Variants in CTNNA2 observed in about 807,000 individuals in gnomAD.
The protein encoded by CTNNA2 is catenin alpha-2.
Under a neutral mutation model 101.0 loss-of-function variants are expected in CTNNA2, and 42 were observed. The ratio of observed to expected loss-of-function variants is 0.42; its 90% CI spans 0.32 to 0.54. The LOEUF is 0.54. CTNNA2 is among the 20% of genes least tolerant of loss of function. The probability of loss-of-function intolerance (pLI) is 0.14; values close to 1 mark genes in which losing one functional copy is unlikely to be tolerated. For missense variants in CTNNA2, 871 were observed against 1,223.1 expected (o/e 0.71, Z 4.29); for synonymous variants, 450 against 456.4 (o/e 0.99, Z 0.18).
chr2:79,446,056 G>A (rs554112405), intron 4 of CTNNA2, among the ~76,000 whole-genome samples: 18 of 152,062 alleles, frequency 1.2e-4, no homozygotes, highest in Non-Finnish European at 2.5e-4. Context: ...AACTCAGCTT[G>A]AGTTCAAATC....
At chr2:80,230,636 C>A (rs559152250) in intron 7 of CTNNA2, among the ~76,000 whole-genome samples, 1 of 152,200 alleles carries the variant, frequency 6.6e-6, no homozygotes, top group African/African-American at 2.4e-5. Flanking sequence ...CAGAGAAAGC[C>A]ACAAGAAGAG....
intron 3 of CTNNA2, among the ~76,000 whole-genome samples, chr2:79,813,820 G>T (rs535807889): frequency 6.6e-6 from 1 of 152,182 alleles, no homozygotes; most frequent in African/African-American, 2.4e-5. Flanking sequence ...GAGTTTGCAT[G>T]ACAATGATAT....
At position 80,303,938 on chromosome 2, in the gene CTNNA2, A is replaced by C. The variant is rs1274063407; in HGVS notation, c.1057-89273A>C. 6 of 1,207,120 alleles carry C rather than the reference A, an allele frequency of 5.0e-6. No individual in the cohort carries two copies. In the East Asian group the frequency reaches 1.6e-4, roughly 32 times the overall value. The allele number at this position is 1,207,120 out of a possible 1,614,324, so 74.8% of individuals were successfully genotyped here. A position where few individuals can be genotyped will look rare whatever the true frequency, so the allele number is the denominator to read the frequency against. ...GGGGAGGGGGAGAAAAGGGCAAAAAATCAAATAAATACATAGAAATAAAGA... is the reference window on the plus strand; with the variant it reads ...GGGGAGGGGGAGAAAAGGGCAAAAACTCAAATAAATACATAGAAATAAAGA... On this transcript the variant is annotated intron_variant, in intron 7 of 18. Transcript: ENST00000402739. The surrounding 1 kb of genome is among the most constrained non-coding windows in gnomAD (Gnocchi z 7.7).
intron 2 of CTNNA2, among the ~76,000 whole-genome samples, chr2:79,293,937 G>A (rs1675899286): frequency 1.3e-5 from 2 of 151,934 alleles, no homozygotes; most frequent in Non-Finnish European, 2.9e-5. Flanking sequence ...TCTATAAAAC[G>A]AGAATAATAA....
intron 7 of CTNNA2, among the ~76,000 whole-genome samples, chr2:80,013,883 A>G (rs984748365): frequency 2.0e-4 from 31 of 152,202 alleles, no homozygotes; most frequent in Admixed American, 2.0e-3. Flanking sequence ...CTCCAGTAGC[A>G]TGTAATTCAT....
intron 3 of CTNNA2, among the ~76,000 whole-genome samples, chr2:79,833,023 T>C (rs1679042949): frequency 6.6e-6 from 1 of 152,220 alleles, no homozygotes; most frequent in Non-Finnish European, 1.5e-5. Context: ...GGTAAATTTG[T>C]AAACATAGTG....
Position 80,445,528 on chromosome 2 carries a change from A to C in CTNNA2, c.1290+25927A>C, listed in dbSNP as rs76102114. Among the ~76,000 whole-genome samples, 573 of 152,270 alleles carry C rather than the reference A, an allele frequency of 3.8e-3. 5 individuals carry two copies. The highest frequency in any genetic ancestry group is 5.7e-3 in the Non-Finnish European group (386 of 68,024). On this transcript the variant is annotated intron_variant, in intron 9 of 18. Coordinates refer to ENST00000402739, the MANE Select transcript of CTNNA2 (RefSeq NM_001282597.3). ...TGCTGCTTTAAATTTATGTTTGCCT[A>C]ATATGGTTCTCAAACTTTCCTGTGT...
chr2:80,175,698 C>A (rs1705350515), intron 7 of CTNNA2, among the ~76,000 whole-genome samples: 1 of 152,140 alleles, frequency 6.6e-6, no homozygotes, highest in Admixed American at 6.5e-5. Flanking sequence ...AAGGTGAAGT[C>A]CCACGATAGG....
At chr2:80,497,583 C>A (rs529905025) in intron 9 of CTNNA2, among the ~76,000 whole-genome samples, 1 of 152,186 alleles carries the variant, frequency 6.6e-6, no homozygotes, top group East Asian at 1.9e-4. Context: ...AGATTTCTGT[C>A]CCCTGTTCTA....
At chr2:79,822,593 G>A (rs1463320266) in intron 3 of CTNNA2, among the ~76,000 whole-genome samples, 1 of 152,086 alleles carries the variant, frequency 6.6e-6, no homozygotes, top group Non-Finnish European at 1.5e-5. Flanking sequence ...TTTTGCCTCC[G>A]GAATATCCCT....
chr2:79,839,603 A>G (rs1172365601), intron 3 of CTNNA2, among the ~76,000 whole-genome samples: 1 of 151,174 alleles, frequency 6.6e-6, no homozygotes, highest in Non-Finnish European at 1.5e-5. Context: ...CTTATTTCCT[A>G]TTTCTTCAAC....
At chr2:80,645,735 C>T (rs1674011137) in intron 18 of CTNNA2, among the ~76,000 whole-genome samples, 1 of 152,090 alleles carries the variant, frequency 6.6e-6, no homozygotes, top group Admixed American at 6.6e-5. Flanking sequence ...GTTTGCTTTT[C>T]CTTAGCTATC....
intron 7 of CTNNA2, among the ~76,000 whole-genome samples, chr2:80,208,321 A>C (rs1707659124): frequency 6.6e-6 from 1 of 152,180 alleles, no homozygotes; most frequent in African/African-American, 2.4e-5. Flanking sequence ...TGCAACTGTT[A>C]AATATAGATG....
chr2:79,260,722 A>G (rs1216783208), intron 2 of CTNNA2, among the ~76,000 whole-genome samples: 1 of 152,142 alleles, frequency 6.6e-6, no homozygotes, highest in African/African-American at 2.4e-5. Flanking sequence ...GTTCAGTTTC[A>G]TCATGGCTTA....
chr2:79,210,163 C>T (rs1178110534), intron 2 of CTNNA2, among the ~76,000 whole-genome samples: 1 of 150,094 alleles, frequency 6.7e-6, no homozygotes, highest in African/African-American at 2.5e-5. Flanking sequence ...AGGCTAGGAA[C>T]CCACGTGGAG....
chr2:80,260,296 A>G (rs1344057483), intron 7 of CTNNA2, among the ~76,000 whole-genome samples: 2 of 152,210 alleles, frequency 1.3e-5, no homozygotes, highest in Non-Finnish European at 2.9e-5. Context: ...CTGACAGTGA[A>G]GAAAGATGGC....
chr2:79,825,586 G>A (rs867909308), intron 3 of CTNNA2, among the ~76,000 whole-genome samples: 12 of 152,020 alleles, frequency 7.9e-5, no homozygotes, highest in Non-Finnish European at 1.2e-4. Context: ...GGGGAGAGGA[G>A]GGAATGCAGA....
At chr2:80,641,832 A>G (rs1673527268) in intron 18 of CTNNA2, among the ~76,000 whole-genome samples, 1 of 152,126 alleles carries the variant, frequency 6.6e-6, no homozygotes, top group African/African-American at 2.4e-5. Context: ...TATTCTGAGA[A>G]ATTTTTTGGT....
intron 3 of CTNNA2, among the ~76,000 whole-genome samples, chr2:79,350,440 C>T (rs1677361738): frequency 6.6e-6 from 1 of 152,150 alleles, no homozygotes; most frequent in African/African-American, 2.4e-5. Context: ...CCAGCTCCAT[C>T]CATGTTGCTG....
Sources: gnomAD v4.1 joint callset for allele counts (sites outside exome capture counted in the v4.1 genomes callset) on GRCh38, gnomAD v4.1.1 for gene constraint, Gnocchi (gnomAD v3.1) non-coding constraint, MANE v1.5 for transcripts, NCBI Gene and HGNC (gene_info 2026-07-23, HGNC 2026-07-21) for gene names.